The following CSGALNACT1 variants were observed in gnomAD, a reference collection of about 807,000 sequenced individuals.
CSGALNACT1 encodes chondroitin sulfate N-acetylgalactosaminyltransferase 1, also known as beta4GalNAcT-1.
In CSGALNACT1, 52 loss-of-function variants were observed where a neutral mutation model predicts 51.0. The ratio of observed to expected loss-of-function variants is 1.02; its 90% CI spans 0.82 to 1.29. CSGALNACT1 has a LOEUF of 1.29. Among genes scored for constraint, CSGALNACT1 ranks in the 50% most tolerant of loss-of-function variants. The pLI is 0.00. For missense variants in CSGALNACT1, 935 were observed against 679.2 expected (o/e 1.38, Z -4.19); for synonymous variants, 341 against 254.4 (o/e 1.34, Z -3.24).
chr8:19,440,032 A>G, intron 5 of CSGALNACT1, 101 bp from the exon 5 acceptor site: 1 of 917,258 alleles, frequency 1.1e-6, no homozygotes, highest in Non-Finnish European at 1.8e-6. Flanking sequence ...TCTTGAAGGA[A>G]ACTAGGTAAA....
At chr8:19,646,692 A>G (rs1401116890) in intron 1 of CSGALNACT1, among the ~76,000 whole-genome samples, 1 of 152,140 alleles carries the variant, frequency 6.6e-6, no homozygotes, top group Non-Finnish European at 1.5e-5. Context: ...TTAATACTTA[A>G]AACTCTCAGA....
intron 3 of CSGALNACT1, among the ~76,000 whole-genome samples, chr8:19,507,336 C>G (rs1223073994): frequency 6.6e-6 from 1 of 151,990 alleles, no homozygotes; most frequent in Admixed American, 6.6e-5. Context: ...GGTCCCAGGA[C>G]TTTTCACATG....
At chr8:19,596,597 A>G (rs967053513) in intron 2 of CSGALNACT1, among the ~76,000 whole-genome samples, 7 of 152,130 alleles carry the variant, frequency 4.6e-5, no homozygotes, top group Non-Finnish European at 8.8e-5. Context: ...TTGTAAGAAA[A>G]AAAAAAAAGA....
At position 19,486,017 on chromosome 8, in the gene CSGALNACT1, T is replaced by C. The variant is rs190988226; in HGVS notation, c.634+19184A>G. Among the ~76,000 whole-genome samples, 417 of 151,890 alleles carry C rather than the reference T, an allele frequency of 2.7e-3. 4 individuals carry two copies. The highest frequency in any genetic ancestry group is 9.6e-3 in the African/African-American group (399 of 41,434). ...CTGACCTTGGGTGATCCACCCACCTTGGCCTCCCGAAGTGCTGGGATTACA... is the reference window on the plus strand; with the variant it reads ...CTGACCTTGGGTGATCCACCCACCTCGGCCTCCCGAAGTGCTGGGATTACA... On this transcript the variant is annotated intron_variant, in intron 4 of 9. Transcript: ENST00000454498.
At chr8:19,478,436 AAAG>A (rs1358731700) in intron 4 of CSGALNACT1, among the ~76,000 whole-genome samples, 1 of 151,148 alleles carries the variant, frequency 6.6e-6, no homozygotes, top group Non-Finnish European at 1.5e-5. Flanking sequence ...AAAAAAAAAA[AAAG>A]GTACTGATGT....
chr8:19,453,934 G>A (rs953622720), intron 5 of CSGALNACT1, among the ~76,000 whole-genome samples: 12 of 152,052 alleles, frequency 7.9e-5, no homozygotes, highest in African/African-American at 2.7e-4. Context: ...AGGTAGGGAG[G>A]GAGGGAGGGA....
At position 19,645,622 on chromosome 8, in the gene CSGALNACT1, T is replaced by C. The variant is rs375133857; in HGVS notation, c.-544+36851A>G. On this transcript the variant is annotated intron_variant, in intron 1 of 9. Coordinates refer to the CSGALNACT1 transcript ENST00000332246. ...CTAAATTCCTGGTTCAAAGCGCAGCTTGCCTACCAACGAATGGAAGCTGTA... is the reference window on the plus strand; with the variant it reads ...CTAAATTCCTGGTTCAAAGCGCAGCCTGCCTACCAACGAATGGAAGCTGTA... 5.9e-5 allele frequency among the ~76,000 whole-genome samples: 9 copies of C among 152,356 alleles called. No homozygotes were observed. In the East Asian group the frequency reaches 1.5e-3, roughly 26 times the overall value.
chr8:19,664,168 C>A (rs544242471), intron 1 of CSGALNACT1, among the ~76,000 whole-genome samples: 1 of 152,182 alleles, frequency 6.6e-6, no homozygotes, highest in Admixed American at 6.5e-5. Flanking sequence ...CTTAGACTCA[C>A]ATTTTATGTT....
At position 19,594,719 on chromosome 8, in the gene CSGALNACT1, T is replaced by A. The variant is rs560051843; in HGVS notation, c.-415-3441A>T. Among the ~76,000 whole-genome samples the A allele has an allele frequency of 1.8e-3, 271 of 152,178 alleles. 3 individuals carry two copies. The highest frequency in any genetic ancestry group is 3.4e-3 in the Middle Eastern group (1 of 294). On this transcript the variant is annotated intron_variant, in intron 2 of 9. Transcript: ENST00000454498. ...CCACCAGGCCTGGCTAATTTTTTTT[T>A]TTTTTTATTTTTACTAGAGACAGGG... is the stretch of plus-strand genomic sequence containing the variant.
intron 1 of CSGALNACT1, among the ~76,000 whole-genome samples, chr8:19,691,580 AG>A (rs1215539707): frequency 6.6e-6 from 1 of 152,224 alleles, no homozygotes; most frequent in African/African-American, 2.4e-5. Flanking sequence ...GCAGCTCCAC[AG>A]CCCTGACGAT....
chr8:19,461,839 T>G (rs542685727), intron 4 of CSGALNACT1, among the ~76,000 whole-genome samples: 1 of 148,764 alleles, frequency 6.7e-6, no homozygotes, highest in Non-Finnish European at 1.5e-5. Flanking sequence ...GGAGGGTGTA[T>G]CTGCACAGCA....
intron 3 of CSGALNACT1, among the ~76,000 whole-genome samples, chr8:19,589,741 C>T (rs2047401997): frequency 6.6e-6 from 1 of 152,172 alleles, no homozygotes; most frequent in Non-Finnish European, 1.5e-5. Context: ...TTGATTGTAG[C>T]TTGTTACAAA....
chr8:19,689,120 C>T (rs920180451), intron 1 of CSGALNACT1, among the ~76,000 whole-genome samples: 1 of 152,166 alleles, frequency 6.6e-6, no homozygotes, highest in South Asian at 2.1e-4. Context: ...CCTATTGCCC[C>T]GTCCTCTGCA....
chr8:19,635,257 C>T (rs2055878374), intron 1 of CSGALNACT1, among the ~76,000 whole-genome samples: 1 of 152,170 alleles, frequency 6.6e-6, no homozygotes, highest in South Asian at 2.1e-4. Context: ...TGTCTGAACT[C>T]CTTGGCGAGT....
chr8:19,457,956 C>T, intron 5 of CSGALNACT1: 1 of 512,488 alleles, frequency 2.0e-6, no homozygotes, highest in African/African-American at 2.0e-5. Flanking sequence ...TGCATTGCAG[C>T]CACCACTAGA....
intron 1 of CSGALNACT1, among the ~76,000 whole-genome samples, chr8:19,714,753 T>G (rs1044937571): frequency 8.6e-6 from 1 of 116,696 alleles, no homozygotes; most frequent in Non-Finnish European, 1.9e-5. Context: ...TCTCCTGGGA[T>G]ATTTTTTTTT....
intron 3 of CSGALNACT1, among the ~76,000 whole-genome samples, chr8:19,579,365 TC>T (rs2045047265): frequency 6.6e-6 from 1 of 152,240 alleles, no homozygotes; most frequent in Admixed American, 6.5e-5. Context: ...ATGTGCTGTT[TC>T]TTCTAGAAGG....
At chr8:19,674,814 G>T (rs942349583) in intron 1 of CSGALNACT1, among the ~76,000 whole-genome samples, 1 of 152,036 alleles carries the variant, frequency 6.6e-6, no homozygotes, top group Non-Finnish European at 1.5e-5. Context: ...GAAGTTGTCT[G>T]GTTGTAGATA....
intron 3 of CSGALNACT1, among the ~76,000 whole-genome samples, chr8:19,548,048 A>G (rs2086908325): frequency 6.6e-6 from 1 of 152,224 alleles, no homozygotes; most frequent in African/African-American, 2.4e-5. Context: ...TGAGGTTGAA[A>G]GTCTGGAAAT....
Sources: gnomAD v4.1 joint callset for allele counts (sites outside exome capture counted in the v4.1 genomes callset) on GRCh38, gnomAD v4.1.1 for gene constraint, MANE v1.5 for transcripts, NCBI Gene and HGNC (gene_info 2026-07-23, HGNC 2026-07-21) for gene names.